PDE8B: variants seen among roughly 807,000 people sequenced by gnomAD.
PDE8B encodes the protein high affinity cAMP-specific and IBMX-insensitive 3',5'-cyclic phosphodiesterase 8B.
In PDE8B, 26 loss-of-function variants were observed where a neutral mutation model predicts 101.3. That is an observed-to-expected ratio of 0.26 (90% CI 0.19 to 0.36). The LOEUF is 0.36. Among genes scored for constraint, PDE8B ranks in the 10% least tolerant of loss-of-function variants. The probability of loss-of-function intolerance (pLI) is 1.00; values close to 1 mark genes in which losing one functional copy is unlikely to be tolerated. For synonymous variants in PDE8B, 424 were observed against 429.3 expected (o/e 0.99, Z 0.15); for missense variants, 810 against 1,163.1 (o/e 0.70, Z 4.42).
intron 1 of PDE8B, among the ~76,000 whole-genome samples, chr5:77,228,350 A>G (rs1019159458): frequency 6.6e-6 from 1 of 152,152 alleles, no homozygotes; most frequent in African/African-American, 2.4e-5. Flanking sequence ...GGTGGGAATC[A>G]TTGGGGGCTG....
At position 77,331,383 on chromosome 5, in the gene PDE8B, A is replaced by C. The variant is rs761230869; in HGVS notation, c.651-19A>C. The C allele has an allele frequency of 6.2e-7, 1 of 1,612,044 alleles. No homozygotes were observed. Among genetic ancestry groups the C allele is most frequent in the Non-Finnish European group, 8.5e-7 (1 of 1,178,218 alleles). On this transcript the variant is annotated intron_variant, in intron 4 of 21. Transcript: ENST00000264917. ...TGGTTTGTATCTGCTGAGTGACCAC[A>C]TTTTCTGCTTTGCTGCAGATCGGAT...
At chr5:77,385,185 T>C (rs1209898838) in intron 10 of PDE8B, among the ~76,000 whole-genome samples, 1 of 152,210 alleles carries the variant, frequency 6.6e-6, no homozygotes, top group African/African-American at 2.4e-5. Context: ...TTCAACTTCT[T>C]CCTGGTTTAG....
At chr5:77,300,509 C>T (rs1039730653) in intron 1 of PDE8B, among the ~76,000 whole-genome samples, 6 of 152,188 alleles carry the variant, frequency 3.9e-5, no homozygotes, top group African/African-American at 1.2e-4. Context: ...TGCCTGTAAA[C>T]AGACTGCTTC....
chr5:77,167,295 G>T, the PDE8B span, among the ~76,000 whole-genome samples: 1 of 152,210 alleles, frequency 6.6e-6, no homozygotes, highest in Admixed American at 6.5e-5. Flanking sequence ...TAATGATAAG[G>T]ATGTGTTGGG....
intron 10 of PDE8B, among the ~76,000 whole-genome samples, chr5:77,368,536 G>C (rs2150644945): frequency 6.6e-6 from 1 of 152,242 alleles, no homozygotes; most frequent in Middle Eastern, 3.4e-3. Flanking sequence ...TCGGAGCCCT[G>C]CTGCACTTGC....
chr5:77,239,784 C>A (rs535643454), intron 1 of PDE8B, among the ~76,000 whole-genome samples: 2 of 152,078 alleles, frequency 1.3e-5, no homozygotes, highest in African/African-American at 4.8e-5. Context: ...AAACACCTTC[C>A]TGTTCAGAGC....
intron 5 of PDE8B, among the ~76,000 whole-genome samples, chr5:77,333,226 T>G (rs1247402937): frequency 6.6e-6 from 1 of 152,228 alleles, no homozygotes; most frequent in Non-Finnish European, 1.5e-5. Flanking sequence ...CATTTGGTTC[T>G]GAAAGCTATT....
intron 1 of PDE8B, among the ~76,000 whole-genome samples, chr5:77,259,031 A>G (rs915741364): frequency 7.4e-6 from 1 of 134,308 alleles, no homozygotes; most frequent in Non-Finnish European, 1.5e-5. Context: ...CCCTGCCTCC[A>G]ACACACACAC....
chr5:77,245,757 T>A (rs1195438353), intron 1 of PDE8B, among the ~76,000 whole-genome samples: 4 of 150,970 alleles, frequency 2.6e-5, no homozygotes, highest in Non-Finnish European at 4.4e-5. Flanking sequence ...TTACATATGA[T>A]AACTTATCTG....
chr5:77,412,017 G>GTAAC, intron 15 of PDE8B, 83 bp from the exon 16 acceptor site: 1 of 1,404,908 alleles, frequency 7.1e-7, no homozygotes, highest in Non-Finnish European at 1.0e-6. Flanking sequence ...TTTTCTAGTA[G>GTAAC]TAACTATGAA....
chr5:77,333,435 C>T (rs1199455722), intron 5 of PDE8B, among the ~76,000 whole-genome samples: 2 of 152,192 alleles, frequency 1.3e-5, no homozygotes, highest in Non-Finnish European at 2.9e-5. Context: ...CCCGACTCTA[C>T]CCCATTCCAA....
intron 6 of PDE8B, among the ~76,000 whole-genome samples, 171 bp from the exon 7 acceptor site, chr5:77,344,682 A>T (rs1291935459): frequency 6.6e-6 from 1 of 152,218 alleles, no homozygotes; most frequent in African/African-American, 2.4e-5. Context: ...ATCACATTGG[A>T]TGTTAGATTC....
rs777358989 is a variant in PDE8B, at chr5:77,335,564, T to TGTGTGTGTGA, written c.709-1662_709-1661insTGTGTGTGAG. 1.0e-4 allele frequency among the ~76,000 whole-genome samples: 10 copies of TGTGTGTGTGA among 99,894 alleles called. No individual in the cohort carries two copies. In the Admixed American group the frequency reaches 1.0e-3, roughly 10 times the overall value. 65.5% of individuals were successfully genotyped at this position (99,894 alleles called of 152,430 possible). A position where few individuals can be genotyped will look rare whatever the true frequency, so the allele number is the denominator to read the frequency against. ...GTGTGTGTGTGTGTGTGTGTGTGTG[T>TGTGTGTGTGA]GAGAGAGAGAGGAAGGAGTGAGGAG... is the stretch of plus-strand genomic sequence containing the variant. On this transcript the variant is annotated intron_variant, in intron 5 of 21. Coordinates refer to ENST00000264917, the MANE Select transcript of PDE8B (RefSeq NM_003719.5).
the PDE8B span, among the ~76,000 whole-genome samples, chr5:77,183,845 A>G: frequency 6.6e-6 from 1 of 152,226 alleles, no homozygotes; most frequent in East Asian, 1.9e-4. Context: ...AGTACTTGTG[A>G]AAGATCACAC....
chr5:77,224,935 G>C (rs555779955), intron 1 of PDE8B, among the ~76,000 whole-genome samples: 42 of 152,304 alleles, frequency 2.8e-4, no homozygotes, highest in Non-Finnish European at 4.3e-4. Context: ...GTTAGATCTA[G>C]AGGCTTGATA....
intron 5 of PDE8B, among the ~76,000 whole-genome samples, chr5:77,333,899 C>T (rs576048358): frequency 4.1e-4 from 62 of 152,306 alleles, no homozygotes; most frequent in African/African-American, 1.4e-3. Context: ...GCATGAACAG[C>T]GGTAGCTGTC....
At chr5:77,312,812 G>A (rs972457945) in intron 2 of PDE8B, among the ~76,000 whole-genome samples, 11 of 144,638 alleles carry the variant, frequency 7.6e-5, no homozygotes, top group African/African-American at 2.2e-4. Flanking sequence ...ATGATAAAAT[G>A]CTCCCCTACA....
chr5:77,288,911 A>G (rs537644572), intron 1 of PDE8B, among the ~76,000 whole-genome samples: 12 of 147,698 alleles, frequency 8.1e-5, no homozygotes, highest in African/African-American at 3.0e-4. Context: ...AAGACATCTC[A>G]GTGCTCAGTG....
At chr5:77,116,562 G>A in the PDE8B span, among the ~76,000 whole-genome samples, 1 of 152,018 alleles carries the variant, frequency 6.6e-6, no homozygotes, top group Non-Finnish European at 1.5e-5. Context: ...TATTTCTAAG[G>A]ACACAGTTTT....
Sources: allele counts gnomAD v4.1 joint callset (sites outside exome capture counted in the v4.1 genomes callset), GRCh38; gene constraint gnomAD v4.1.1; transcripts MANE v1.5; gene names NCBI Gene and HGNC (gene_info 2026-07-23, HGNC 2026-07-21).